The following SHB variants were observed in gnomAD, a reference collection of about 807,000 sequenced individuals.
SHB encodes the protein SH2 domain containing adaptor protein B.
Under a neutral mutation model 52.3 loss-of-function variants are expected in SHB, and 20 were observed. That is an observed-to-expected ratio of 0.38 (90% CI 0.27 to 0.56). The LOEUF is 0.56. Among genes scored for constraint, SHB ranks in the 20% least tolerant of loss-of-function variants. The probability of loss-of-function intolerance (pLI) is 0.71; values close to 1 mark genes in which losing one functional copy is unlikely to be tolerated. For missense variants in SHB, 825 were observed against 723.3 expected (o/e 1.14, Z -1.61); for synonymous variants, 397 against 316.5 (o/e 1.25, Z -2.70).
chr9:37,939,332 A>G (rs1490008370), intron 5 of SHB, among the ~76,000 whole-genome samples: 1 of 152,262 alleles, frequency 6.6e-6, no homozygotes, highest in Non-Finnish European at 1.5e-5. Flanking sequence ...GGGCAGGCTC[A>G]GCCTCTGCCC....
At chr9:38,057,432 C>T (rs1564112476) in intron 1 of SHB, among the ~76,000 whole-genome samples, 6 of 152,136 alleles carry the variant, frequency 3.9e-5, no homozygotes, top group Non-Finnish European at 8.8e-5. Context: ...ATTTTCTATA[C>T]CAAACTTGTC....
At chr9:37,982,190 T>C (rs1260054961) in intron 2 of SHB, among the ~76,000 whole-genome samples, 1 of 152,034 alleles carries the variant, frequency 6.6e-6, no homozygotes, top group Admixed American at 6.6e-5. Flanking sequence ...AGTCTCAAAA[T>C]CTGTATTTTG....
In SHB at chr9:37,948,761, A is replaced by G. The variant is rs773938416; in HGVS notation, c.1227-7T>C. 25 of 1,613,390 alleles carry G rather than the reference A, an allele frequency of 1.5e-5. No individual in the cohort carries two copies. Among genetic ancestry groups the G allele is most frequent in the Non-Finnish European group, 2.1e-5 (25 of 1,179,986 alleles). On this transcript the variant is annotated splice_region_variant and splice_polypyrimidine_tract_variant and intron_variant, in intron 4 of 5. Coordinates refer to ENST00000377707, the MANE Select transcript of SHB (RefSeq NM_003028.3). ...GATGGCTCCGTGATACCATCTGTGG[A>G]GAGGGCAGAGAGTGGTCAGAGCCCA...
Position 37,956,038 on chromosome 9 carries a change from G to A in SHB, c.1071C>T (p.Asn357=), listed in dbSNP as rs199893774. The change falls in exon 4 of 6, where the codon AAC becomes AAT. Residue 357 remains asparagine (N), a synonymous_variant. Coordinates refer to ENST00000377707, the MANE Select transcript of SHB (RefSeq NM_003028.3). ...GTGAGGGGGATGACTGCCGCTTCTC[G>A]TTGCCATTAAACTGTGCTGTGGGGA... is the stretch of plus-strand genomic sequence containing the variant. ...IPALAAQFNG[N]EKRQSSPSPS... The A allele has an allele frequency of 4.0e-5, 62 of 1,565,174 alleles. No individual in the cohort carries two copies. The highest frequency in any genetic ancestry group is 2.1e-4 in the East Asian group (9 of 42,892).
chr9:37,948,955 C>T (rs1432177312), intron 4 of SHB, among the ~76,000 whole-genome samples: 1 of 152,194 alleles, frequency 6.6e-6, no homozygotes, highest in Non-Finnish European at 1.5e-5. Flanking sequence ...TCTCTTTTCA[C>T]GGGAAGCTTA....
chr9:38,041,824 A>G (rs1821582209), intron 1 of SHB, among the ~76,000 whole-genome samples: 1 of 152,210 alleles, frequency 6.6e-6, no homozygotes, highest in Admixed American at 6.5e-5. Context: ...GGAGAGGTAC[A>G]GTGCAAGCCT....
At chr9:38,018,732 G>A (rs763120974) in intron 1 of SHB, among the ~76,000 whole-genome samples, 5 of 152,182 alleles carry the variant, frequency 3.3e-5, no homozygotes, top group Non-Finnish European at 7.3e-5. Flanking sequence ...CAGGTGTTAG[G>A]AGAGTTGAGC....
chr9:38,038,875 G>A (rs1287328594), intron 1 of SHB, among the ~76,000 whole-genome samples: 2 of 152,358 alleles, frequency 1.3e-5, no homozygotes, highest in East Asian at 3.9e-4. Flanking sequence ...GGGAAAGGCA[G>A]ATGGAACCCC....
At chr9:38,038,533 G>C (rs1186591552) in intron 1 of SHB, among the ~76,000 whole-genome samples, 1 of 152,184 alleles carries the variant, frequency 6.6e-6, no homozygotes, top group African/African-American at 2.4e-5. Context: ...ACACAGTAAG[G>C]TACTGAGTAG....
At chr9:37,999,267 G>A (rs1244108464) in intron 2 of SHB, among the ~76,000 whole-genome samples, 1 of 152,122 alleles carries the variant, frequency 6.6e-6, no homozygotes, top group East Asian at 1.9e-4. Flanking sequence ...GTGAAAGGCT[G>A]AGACTAGCAG....
chr9:38,019,143 G>A (rs1348369568), intron 1 of SHB, among the ~76,000 whole-genome samples: 2 of 152,212 alleles, frequency 1.3e-5, no homozygotes, highest in Non-Finnish European at 2.9e-5. Flanking sequence ...CAGAAAAAAA[G>A]GCTGTAGAGT....
intron 1 of SHB, among the ~76,000 whole-genome samples, chr9:38,050,517 A>C (rs1166560866): frequency 5.9e-5 from 9 of 152,178 alleles, no homozygotes; most frequent in Admixed American, 5.9e-4. Context: ...TTTTTTAAAG[A>C]AAAGTCTGGG....
intron 1 of SHB, among the ~76,000 whole-genome samples, chr9:38,051,441 A>T (rs1306032782): frequency 6.2e-5 from 2 of 32,002 alleles, no homozygotes; most frequent in African/African-American, 9.9e-5. Flanking sequence ...GACTCCGTCT[A>T]AAAAAAAAAA....
chr9:37,976,225 G>A (rs1264306696), intron 2 of SHB, among the ~76,000 whole-genome samples: 2 of 152,104 alleles, frequency 1.3e-5, no homozygotes, highest in Non-Finnish European at 2.9e-5. Flanking sequence ...TAGTGGAGAC[G>A]GGGTTTTGCC....
At chr9:37,976,867 C>T (rs952622148) in intron 2 of SHB, among the ~76,000 whole-genome samples, 2 of 152,178 alleles carry the variant, frequency 1.3e-5, no homozygotes, top group Non-Finnish European at 2.9e-5. Context: ...AAAACACACA[C>T]AAATGACATC....
intron 2 of SHB, among the ~76,000 whole-genome samples, chr9:37,985,932 G>A (rs1820801866): frequency 1.3e-5 from 2 of 152,248 alleles, no homozygotes; most frequent in Non-Finnish European, 1.5e-5. Flanking sequence ...AAAACAGAGA[G>A]GCAAGAGTTA....
At chr9:37,953,004 C>T (rs550837810) in intron 4 of SHB, among the ~76,000 whole-genome samples, 44 of 151,828 alleles carry the variant, frequency 2.9e-4, no homozygotes, top group Admixed American at 7.9e-4. Flanking sequence ...AGGGAGAGCA[C>T]GTAGTTGGAG....
At chr9:38,035,432 A>G (rs1347695072) in intron 1 of SHB, among the ~76,000 whole-genome samples, 1 of 151,888 alleles carries the variant, frequency 6.6e-6, no homozygotes, top group Non-Finnish European at 1.5e-5. Context: ...GAAGCATAGG[A>G]CTGGGGATAG....
At chr9:37,993,616 ATTGAGT>A (rs886900901) in intron 2 of SHB, among the ~76,000 whole-genome samples, 6 of 152,050 alleles carry the variant, frequency 3.9e-5, no homozygotes, top group Admixed American at 6.6e-5. Flanking sequence ...TAACATAAAC[ATTGAGT>A]TTGTGTTAAT....
Sources: allele counts gnomAD v4.1 joint callset (sites outside exome capture counted in the v4.1 genomes callset), GRCh38; gene constraint gnomAD v4.1.1; transcripts MANE v1.5; gene names NCBI Gene and HGNC (gene_info 2026-07-23, HGNC 2026-07-21).